Variants in IL23R observed in about 807,000 individuals in gnomAD.
IL23R encodes interleukin-23 receptor.
IL23R carries 34 observed loss-of-function variants against 56.9 expected under a neutral mutation model. The observed-to-expected ratio is 0.60, with a 90% CI of 0.45 to 0.80. The LOEUF (loss-of-function observed/expected upper bound fraction) is 0.80. Ranked by LOEUF, IL23R falls within the 30% of genes least tolerant of loss-of-function variation. IL23R has a pLI of 0.00. For synonymous variants in IL23R, 230 were observed against 249.2 expected (o/e 0.92, Z 0.73); for missense variants, 635 against 730.0 (o/e 0.87, Z 1.50).
chr1:67,254,138 G>A (rs190017738), intron 9 of IL23R, among the ~76,000 whole-genome samples: 6 of 151,844 alleles, frequency 4.0e-5, no homozygotes, highest in East Asian at 1.9e-4. Context: ...GTGCAATCTC[G>A]GCTCACTGCA....
chr1:67,189,072 T>C (rs1325820670), intron 4 of IL23R, among the ~76,000 whole-genome samples: 1 of 152,016 alleles, frequency 6.6e-6, no homozygotes, highest in African/African-American at 2.4e-5. Flanking sequence ...TTTTAAGTAA[T>C]ACAATAATTT....
rs371194228 is a variant in IL23R, at chr1:67,240,183, C to G, written c.1050C>G (p.Asn350Lys). Residue 350 changes from asparagine (N) to lysine (K), a missense_variant, in exon 9 of 11, where the codon AAC becomes AAG. Asn to Lys is a moderately conservative substitution (Grantham distance 94). Transcript: ENST00000347310. ...SISTGHLTSD[N>K]RGDIGLLLGM... ...ATTTTTCTTTCCTTTCATTAGACAA[C>G]AGAGGAGACATTGGACTTTTATTGG... The G allele has an allele frequency of 6.3e-7, 1 of 1,597,472 alleles. No homozygotes were observed. The highest frequency in any genetic ancestry group is 1.3e-5 in the African/African-American group (1 of 74,696).
At position 67,255,830 on chromosome 1, in the gene IL23R, T is replaced by G; in HGVS notation, c.1149-7T>G. The G allele has an allele frequency of 7.0e-7, 1 of 1,426,718 alleles. No homozygotes were observed. The highest frequency in any genetic ancestry group is 9.9e-7 in the Non-Finnish European group (1 of 1,009,598). The allele number at this position is 1,426,718 out of a possible 1,614,324, so 88.4% of individuals were successfully genotyped here. ...GCTTCTTCTAACGTGTCATTTTTGTTTTTTAGGATTAAAAGAAGGATCTTA... is the reference window on the plus strand; with the variant it reads ...GCTTCTTCTAACGTGTCATTTTTGTGTTTTAGGATTAAAAGAAGGATCTTA... On this transcript the variant is annotated splice_polypyrimidine_tract_variant and splice_region_variant and intron_variant, in intron 9 of 10. Transcript: ENST00000347310.
upstream of IL23R, among the ~76,000 whole-genome samples, chr1:67,165,540 A>C (rs987989561): frequency 6.6e-6 from 1 of 152,362 alleles, no homozygotes; most frequent in Admixed American, 6.5e-5. Flanking sequence ...GCGTTAGTCA[A>C]AATAGCCCAA....
intron 7 of IL23R, among the ~76,000 whole-genome samples, chr1:67,231,350 A>C (rs1345558022): frequency 6.6e-6 from 1 of 152,256 alleles, no homozygotes; most frequent in Non-Finnish European, 1.5e-5. Flanking sequence ...ATTTGGAACC[A>C]GTCTAAAAGT....
intron 9 of IL23R, among the ~76,000 whole-genome samples, chr1:67,247,140 C>CT (rs199799110): frequency 2.1e-4 from 31 of 148,630 alleles, no homozygotes; most frequent in Admixed American, 3.4e-4. Context: ...GCAACCCCTG[C>CT]TTTTTTTTTT....
rs1000423159 is a variant in IL23R at position 67,259,408 on chromosome 1, C to T, written c.*280C>T. On this transcript the variant is annotated 3_prime_UTR_variant, in exon 11 of 11. Transcript: ENST00000347310. ...TGTAAGAATTCCCGGGAGCTCCATG[C>T]CTTTTTAATTTTAGCCATTCTTCTG... is the stretch of plus-strand genomic sequence containing the variant. 2.4e-6 allele frequency: 1 copy of T among 420,148 alleles called. No homozygotes were observed. Among genetic ancestry groups the T allele is most frequent in the Non-Finnish European group, 4.3e-6 (1 of 231,058 alleles). The allele number at this position is 420,148 out of a possible 1,614,324, so 26.0% of individuals were successfully genotyped here.
chr1:67,174,252 A>G (rs761716051), intron 3 of IL23R, among the ~76,000 whole-genome samples: 16 of 151,380 alleles, frequency 1.1e-4, no homozygotes, highest in Admixed American at 1.1e-3. Context: ...TAAAGGCTGT[A>G]CCAATTTGTA....
At chr1:67,152,592 T>C (rs530125006) in intron 1 of IL23R, among the ~76,000 whole-genome samples, 2 of 152,330 alleles carry the variant, frequency 1.3e-5, no homozygotes, top group Non-Finnish European at 2.9e-5. Context: ...TGGGTTGTCA[T>C]AAATAGCTCT....
intron 4 of IL23R, among the ~76,000 whole-genome samples, chr1:67,192,559 C>T (rs1320425765): frequency 6.6e-6 from 1 of 152,198 alleles, no homozygotes; most frequent in Non-Finnish European, 1.5e-5. Context: ...ATACAGCTGC[C>T]ATGTTTCTAA....
chr1:67,176,056 T>G (rs1402688508), intron 3 of IL23R, among the ~76,000 whole-genome samples: 1 of 152,094 alleles, frequency 6.6e-6, no homozygotes, highest in African/African-American at 2.4e-5. Context: ...GACATCAAAC[T>G]CAAACTCAAT....
At position 67,258,978 on chromosome 1, in the gene IL23R, C is replaced by A; in HGVS notation, c.1740C>A (p.Pro580=). Reference sequence around the variant, plus strand: ...CCATGCTTTTGGAAAATGATTCACCCAGTGAAACTATTCCAGAACAGACCC... The same window carrying A: ...CCATGCTTTTGGAAAATGATTCACCAAGTGAAACTATTCCAGAACAGACCC... ...ETTMLLENDS[P]SETIPEQTLL... Residue 580 remains proline, a synonymous_variant, in exon 11 of 11, where the codon CCC becomes CCA. Transcript: ENST00000347310. 6.2e-7 allele frequency: 1 copy of A among 1,614,094 alleles called. No homozygotes were observed. Among genetic ancestry groups the A allele is most frequent in the African/African-American group, 1.3e-5 (1 of 75,040 alleles).
At chr1:67,146,662 G>A (rs756730008) in intron 1 of IL23R, among the ~76,000 whole-genome samples, 1 of 152,130 alleles carries the variant, frequency 6.6e-6, no homozygotes, top group Non-Finnish European at 1.5e-5. Flanking sequence ...TCAAGTCTTT[G>A]CAAGAAAACT....
chr1:67,180,872 CTTA>C (rs1250289186), intron 3 of IL23R, among the ~76,000 whole-genome samples: 8 of 152,152 alleles, frequency 5.3e-5, no homozygotes, highest in African/African-American at 1.9e-4. Flanking sequence ...TTCTCCTTCA[CTTA>C]TGAAGCTTAG....
At chr1:67,219,513 T>A in intron 6 of IL23R, 61 bp from the exon 7 acceptor site, 9 of 1,515,046 alleles carry the variant, frequency 5.9e-6, no homozygotes, top group Non-Finnish European at 8.2e-6. Context: ...ACATTTCTGC[T>A]AAATAAAATA....
intron 5 of IL23R, among the ~76,000 whole-genome samples, chr1:67,204,789 GT>G (rs1378267202): frequency 2.1e-4 from 32 of 150,696 alleles, no homozygotes; most frequent in African/African-American, 7.8e-4. Flanking sequence ...TTTTTCCAGG[GT>G]TGGGGTTGGG....
chr1:67,250,766 A>G (rs1291459290), intron 9 of IL23R, among the ~76,000 whole-genome samples: 1 of 152,236 alleles, frequency 6.6e-6, no homozygotes, highest in Non-Finnish European at 1.5e-5. Context: ...ATATATAACT[A>G]CACAGAGAAC....
chr1:67,163,699 T>TTGCTCCTGCTCTCTCCATGTGATGCACC (rs1646844518), upstream of IL23R, among the ~76,000 whole-genome samples: 1 of 152,000 alleles, frequency 6.6e-6, no homozygotes, highest in Non-Finnish European at 1.5e-5. Flanking sequence ...CCTGCTCCTC[T>TTGCTCCTGCTCTCTCCATGTGATGCACC]TGCTCCTGCT....
intron 9 of IL23R, among the ~76,000 whole-genome samples, chr1:67,243,760 C>T (rs1470694398): frequency 6.6e-6 from 1 of 152,138 alleles, no homozygotes; most frequent in African/African-American, 2.4e-5. Flanking sequence ...AACAGTGCTG[C>T]AATAAACATA....
Sources: allele counts gnomAD v4.1 joint callset (sites outside exome capture counted in the v4.1 genomes callset), GRCh38; gene constraint gnomAD v4.1.1; transcripts MANE v1.5; gene names NCBI Gene and HGNC (gene_info 2026-07-23, HGNC 2026-07-21).